Variants in ASTN2 observed in about 807,000 individuals in gnomAD.
ASTN2 encodes the protein astrotactin 2.
ASTN2 carries 54 observed loss-of-function variants against 139.8 expected under a neutral mutation model. The ratio of observed to expected loss-of-function variants is 0.39; its 90% CI spans 0.31 to 0.48. The LOEUF is 0.48. Among genes scored for constraint, ASTN2 ranks in the 20% least tolerant of loss-of-function variants. ASTN2 has a pLI of 0.95. For synonymous variants in ASTN2, 756 were observed against 719.5 expected (o/e 1.05, Z -0.81); for missense variants, 1,565 against 1,725.1 (o/e 0.91, Z 1.64).
chr9:116,908,135 T>G (rs1215342894), intron 10 of ASTN2, among the ~76,000 whole-genome samples: 1 of 152,144 alleles, frequency 6.6e-6, no homozygotes, highest in Non-Finnish European at 1.5e-5. Context: ...CTGGATGGGT[T>G]GTGGTCCAAA....
At chr9:117,314,698 TTTA>T (rs1280130472) in intron 1 of ASTN2, among the ~76,000 whole-genome samples, 1 of 145,986 alleles carries the variant, frequency 6.8e-6, no homozygotes, top group Non-Finnish European at 1.5e-5. Context: ...TTATGGTATA[TTTA>T]TTATATTATA....
At chr9:117,003,556 T>TGTGTG (rs1412820236) in intron 7 of ASTN2, among the ~76,000 whole-genome samples, 2 of 146,962 alleles carry the variant, frequency 1.4e-5, no homozygotes, top group Admixed American at 6.8e-5. Context: ...TGTGTGTGTA[T>TGTGTG]TTAAATCTAG....
chr9:116,968,742 TACA>T (rs150682674), intron 10 of ASTN2, among the ~76,000 whole-genome samples: 11,867 of 151,852 alleles, frequency 0.078, 644 homozygotes, highest in Non-Finnish European at 0.1. Flanking sequence ...CTACTAAAAT[TACA>T]ACAATTAGCC....
rs369123269 is a variant in ASTN2 at position 117,363,243 on chromosome 9, T to C, written c.442+51254A>G. Among the ~76,000 whole-genome samples, 13 of 152,188 alleles carry C rather than the reference T, an allele frequency of 8.5e-5. No individual in the cohort carries two copies. The East Asian group carries it at 2.1e-3, about 25-fold the overall frequency. ...TGTACGTTCATTCATGAAGCATCTG[T>C]TAATCACCTACTTATACAAGTTATA... is the stretch of plus-strand genomic sequence containing the variant. On this transcript the variant is annotated intron_variant, in intron 1 of 22. Transcript: ENST00000313400.
chr9:117,314,024 CCTAA>C (rs1171123003), intron 1 of ASTN2, among the ~76,000 whole-genome samples: 4 of 152,152 alleles, frequency 2.6e-5, no homozygotes, highest in Non-Finnish European at 5.9e-5. Flanking sequence ...GTATCTTTTC[CCTAA>C]CTAACAGGCA....
At chr9:117,018,658 TTCA>T (rs1433566383) in intron 6 of ASTN2, among the ~76,000 whole-genome samples, 1 of 152,174 alleles carries the variant, frequency 6.6e-6, no homozygotes, top group African/African-American at 2.4e-5. Context: ...GCCTTGACAG[TTCA>T]TCATTTGAGT....
rs569543889 is a variant in ASTN2 at position 117,309,729 on chromosome 9, A to G, written c.443-18216T>C. On this transcript the variant is annotated intron_variant, in intron 1 of 22. Transcript: ENST00000313400. ...TATACCAAATCTAGGACCCTTTCCC[A>G]TAGAATTCACTCTGAACAGCCCTGG... Among the ~76,000 whole-genome samples the G allele has an allele frequency of 2.6e-5, 4 of 152,246 alleles. No individual in the cohort carries two copies. The East Asian group carries it at 5.8e-4, about 22-fold the overall frequency.
intron 13 of ASTN2, among the ~76,000 whole-genome samples, chr9:116,753,838 G>A (rs562552554): frequency 8.6e-5 from 13 of 151,248 alleles, no homozygotes; most frequent in African/African-American, 2.2e-4. Flanking sequence ...TGTGCAGAAC[G>A]TGCAGGTTTG....
At chr9:116,528,095 T>C (rs373647215) in intron 19 of ASTN2, among the ~76,000 whole-genome samples, 11 of 152,006 alleles carry the variant, frequency 7.2e-5, no homozygotes, top group African/African-American at 2.4e-4. Context: ...CAGGCAGAAG[T>C]TGGAACAGTT....
At chr9:117,398,908 A>G (rs1253626346) in intron 1 of ASTN2, among the ~76,000 whole-genome samples, 1 of 152,140 alleles carries the variant, frequency 6.6e-6, no homozygotes, top group Non-Finnish European at 1.5e-5. Flanking sequence ...CAGCCTCCCG[A>G]GTAGCTGGGA....
chr9:117,239,772 T>C (rs1426342695), intron 2 of ASTN2, among the ~76,000 whole-genome samples: 2 of 152,180 alleles, frequency 1.3e-5, no homozygotes, highest in East Asian at 1.9e-4. Context: ...GACTCCTAGA[T>C]TGGTGTTCAT....
chr9:116,437,894 C>A (rs546907093), intron 22 of ASTN2, among the ~76,000 whole-genome samples: 7 of 152,298 alleles, frequency 4.6e-5, no homozygotes, highest in East Asian at 1.9e-4. Flanking sequence ...CTGGACCAAG[C>A]TCTCATCTCT....
intron 16 of ASTN2, among the ~76,000 whole-genome samples, chr9:116,703,001 G>A (rs947279842): frequency 6.6e-6 from 1 of 152,186 alleles, no homozygotes; most frequent in African/African-American, 2.4e-5. Flanking sequence ...TCTTAAAAGT[G>A]CAGTGTTGGG....
At chr9:117,240,349 A>G (rs1833169318) in intron 2 of ASTN2, among the ~76,000 whole-genome samples, 1 of 152,158 alleles carries the variant, frequency 6.6e-6, no homozygotes, top group African/African-American at 2.4e-5. Context: ...TGTGTGTGTG[A>G]CAGCGGAAGG....
intron 2 of ASTN2, among the ~76,000 whole-genome samples, chr9:117,287,037 T>G (rs530531516): frequency 2.0e-5 from 3 of 152,262 alleles, no homozygotes; most frequent in Admixed American, 1.3e-4. Context: ...CATCTGTAAA[T>G]GAAGGGCAAC....
At chr9:117,191,261 A>G (rs966408492) in intron 3 of ASTN2, among the ~76,000 whole-genome samples, 9 of 150,968 alleles carry the variant, frequency 6.0e-5, no homozygotes, top group Non-Finnish European at 8.8e-5. Flanking sequence ...TAAAATGTCC[A>G]TCAATAAATA....
chr9:116,644,584 C>T (rs1428409429), intron 17 of ASTN2, among the ~76,000 whole-genome samples: 1 of 152,164 alleles, frequency 6.6e-6, no homozygotes, highest in Non-Finnish European at 1.5e-5. Flanking sequence ...TGAAAAAACT[C>T]AGTCCTCAGC....
chr9:117,108,438 A>AAAAC (rs1554779231), intron 4 of ASTN2, among the ~76,000 whole-genome samples: 61 of 145,346 alleles, frequency 4.2e-4, no homozygotes, highest in Non-Finnish European at 6.4e-4. Flanking sequence ...AACAAAACAA[A>AAAAC]ACACACACAC....
intron 2 of ASTN2, among the ~76,000 whole-genome samples, chr9:117,258,952 A>G (rs757210725): frequency 7.9e-5 from 12 of 152,190 alleles, no homozygotes; most frequent in Non-Finnish European, 1.6e-4. Context: ...GAATAAATGA[A>G]TGAAAGAATC....
Sources: gnomAD v4.1 joint callset for allele counts (sites outside exome capture counted in the v4.1 genomes callset) on GRCh38, gnomAD v4.1.1 for gene constraint, MANE v1.5 for transcripts, NCBI Gene and HGNC (gene_info 2026-07-23, HGNC 2026-07-21) for gene names.